Variants in ARB2A observed in about 807,000 individuals in gnomAD.
ARB2A encodes the protein cotranscriptional regulator ARB2A.
the ARB2A span, among the ~76,000 whole-genome samples, chr5:93,659,787 G>A: frequency 2.0e-5 from 3 of 152,142 alleles, no homozygotes; most frequent in African/African-American, 7.2e-5. Flanking sequence ...TACATAAGAG[G>A]CTTTTTTCTT....
chr5:93,708,111 G>C, the ARB2A span, among the ~76,000 whole-genome samples: 1 of 151,576 alleles, frequency 6.6e-6, no homozygotes, highest in Non-Finnish European at 1.5e-5. Flanking sequence ...TTTTTCCTCT[G>C]AATCATTTGA....
At chr5:93,709,646 A>C in the ARB2A span, among the ~76,000 whole-genome samples, 16 of 149,998 alleles carry the variant, frequency 1.1e-4, no homozygotes, top group African/African-American at 2.7e-4. Context: ...AAAAAAAAAA[A>C]AAAAAAAAAA....
At chr5:93,705,202 T>C in the ARB2A span, among the ~76,000 whole-genome samples, 1 of 152,090 alleles carries the variant, frequency 6.6e-6, no homozygotes, top group African/African-American at 2.4e-5. Context: ...AAGTGGGAGA[T>C]TTGGCTTAAT....
At chr5:93,626,292 T>A in the ARB2A span, among the ~76,000 whole-genome samples, 1 of 152,164 alleles carries the variant, frequency 6.6e-6, no homozygotes, top group East Asian at 1.9e-4. Context: ...CACACATGCA[T>A]ACACACATAC....
At chr5:93,904,799 T>G in the ARB2A span, among the ~76,000 whole-genome samples, 5 of 151,726 alleles carry the variant, frequency 3.3e-5, no homozygotes, top group Non-Finnish European at 5.9e-5. Flanking sequence ...GATTCTGAAC[T>G]CTTAAAAATA....
the ARB2A span, among the ~76,000 whole-genome samples, chr5:93,788,640 C>G: frequency 6.6e-6 from 1 of 152,204 alleles, no homozygotes; most frequent in African/African-American, 2.4e-5. Flanking sequence ...CAGAACTCCA[C>G]CATAAATGAC....
At chr5:93,879,046 T>C in the ARB2A span, among the ~76,000 whole-genome samples, 1 of 152,238 alleles carries the variant, frequency 6.6e-6, no homozygotes, top group Admixed American at 6.5e-5. Flanking sequence ...TGTAAATTGG[T>C]AAGAAGTATA....
chr5:93,857,262 C>T, the ARB2A span, among the ~76,000 whole-genome samples: 2 of 152,136 alleles, frequency 1.3e-5, no homozygotes, highest in African/African-American at 4.8e-5. Context: ...AGGCAGTCTG[C>T]CCATTCTCAG....
chr5:93,922,664 A>AGGG, the ARB2A span, among the ~76,000 whole-genome samples: 7 of 31,776 alleles, frequency 2.2e-4, no homozygotes, highest in Non-Finnish European at 2.7e-4. Context: ...GGGAGGGAGG[A>AGGG]AGGGAGGGAG....
chr5:93,988,537 A>G, the ARB2A span, among the ~76,000 whole-genome samples: 1 of 152,184 alleles, frequency 6.6e-6, no homozygotes, highest in Non-Finnish European at 1.5e-5. Flanking sequence ...AGACATAGCT[A>G]AGAAACTTGC....
the ARB2A span, among the ~76,000 whole-genome samples, chr5:93,811,530 C>T: frequency 3.9e-5 from 6 of 151,906 alleles, no homozygotes; most frequent in Non-Finnish European, 7.4e-5. Context: ...CGTGAAAAAC[C>T]GGGACGTTGT....
At chr5:93,687,632 T>G in the ARB2A span, among the ~76,000 whole-genome samples, 7 of 152,194 alleles carry the variant, frequency 4.6e-5, no homozygotes, top group Admixed American at 4.6e-4. Context: ...GTATTATTTT[T>G]ATAATTGGAA....
At chr5:93,777,840 C>A in the ARB2A span, among the ~76,000 whole-genome samples, 25 of 152,232 alleles carry the variant, frequency 1.6e-4, no homozygotes, top group East Asian at 4.8e-3. Context: ...CCAGTCCTCA[C>A]CAATAAAGGC....
At chr5:93,756,593 G>A in the ARB2A span, among the ~76,000 whole-genome samples, 4 of 152,240 alleles carry the variant, frequency 2.6e-5, no homozygotes, top group East Asian at 7.7e-4. Flanking sequence ...GGGTAGACTC[G>A]CTGGGTGGTT....
At chr5:93,913,330 G>C in the ARB2A span, among the ~76,000 whole-genome samples, 4 of 151,944 alleles carry the variant, frequency 2.6e-5, no homozygotes, top group African/African-American at 7.2e-5. Flanking sequence ...TGTCTTCACA[G>C]AACTATCAGC....
chr5:93,892,042 C>T, the ARB2A span, among the ~76,000 whole-genome samples: 3 of 152,142 alleles, frequency 2.0e-5, no homozygotes, highest in African/African-American at 7.2e-5. Context: ...TCCTTTTTGT[C>T]CTTGCTTACA....
At chr5:93,853,830 C>G in the ARB2A span, among the ~76,000 whole-genome samples, 1 of 152,118 alleles carries the variant, frequency 6.6e-6, no homozygotes, top group Non-Finnish European at 1.5e-5. Flanking sequence ...GGTGGATAAG[C>G]TTTTTGATGT....
At chr5:93,868,103 T>C in the ARB2A span, among the ~76,000 whole-genome samples, 1 of 152,166 alleles carries the variant, frequency 6.6e-6, no homozygotes, top group African/African-American at 2.4e-5. Context: ...GAGGATTGCT[T>C]GAGCCCAGGA....
At chr5:93,633,931 G>A in the ARB2A span, among the ~76,000 whole-genome samples, 1 of 151,872 alleles carries the variant, frequency 6.6e-6, no homozygotes, top group Non-Finnish European at 1.5e-5. Context: ...TCAGCCTCCC[G>A]AGTAGTAGGA....
Sources: gnomAD v4.1 joint callset for allele counts (sites outside exome capture counted in the v4.1 genomes callset) on GRCh38, gnomAD v4.1.1 for gene constraint, MANE v1.5 for transcripts, NCBI Gene and HGNC (gene_info 2026-07-23, HGNC 2026-07-21) for gene names.